The following NPAS3 variants were observed in gnomAD, a reference collection of about 807,000 sequenced individuals.
NPAS3 encodes neuronal PAS domain-containing protein 3.
A neutral mutation model predicts 73.1 loss-of-function variants in NPAS3; 14 were observed. The observed-to-expected ratio is 0.19, with a 90% CI of 0.13 to 0.30. The LOEUF (loss-of-function observed/expected upper bound fraction) is 0.30. Ranked by LOEUF, NPAS3 falls within the 10% of genes least tolerant of loss-of-function variation. NPAS3 has a pLI of 1.00. For synonymous variants in NPAS3, 620 were observed against 541.5 expected (o/e 1.14, Z -2.01); for missense variants, 1,096 against 1,250.0 (o/e 0.88, Z 1.86).
At chr14:32,965,553 G>A (rs949360253) in intron 1 of NPAS3, among the ~76,000 whole-genome samples, 1 of 152,134 alleles carries the variant, frequency 6.6e-6, no homozygotes, top group Non-Finnish European at 1.5e-5. Flanking sequence ...TAAAAAGAAT[G>A]TATCTCAACA....
rs113962024 is a variant in NPAS3 at position 33,405,072 on chromosome 14, G to A, written c.468+37804G>A. On this transcript the variant is annotated intron_variant, in intron 4 of 11. Coordinates refer to ENST00000356141, the Ensembl canonical transcript of NPAS3. ...CCTTGATTTTGACCAGTTGATTTCTGCAGAAAGCCTTGCTTCTAGTATGCT... is the reference window on the plus strand; with the variant it reads ...CCTTGATTTTGACCAGTTGATTTCTACAGAAAGCCTTGCTTCTAGTATGCT... Among the ~76,000 whole-genome samples, 706 of 152,156 alleles carry A rather than the reference G, an allele frequency of 4.6e-3. 7 individuals are homozygous for A. The highest frequency in any genetic ancestry group is 0.016 in the African/African-American group (678 of 41,516).
intron 9 of NPAS3, among the ~76,000 whole-genome samples, chr14:33,783,831 G>A (rs1301773712): frequency 3.3e-5 from 5 of 152,166 alleles, no homozygotes; most frequent in Non-Finnish European, 7.3e-5. Flanking sequence ...AAGATCCCCA[G>A]CTGACTCGTA....
chr14:33,165,628 CAGG>C (rs1566629517), intron 2 of NPAS3, among the ~76,000 whole-genome samples: 5 of 151,966 alleles, frequency 3.3e-5, no homozygotes. Context: ...AGGAAAAAGG[CAGG>C]AGATTTGAAA....
intron 3 of NPAS3, among the ~76,000 whole-genome samples, chr14:33,297,432 C>T (rs188658142): frequency 1.3e-5 from 2 of 152,108 alleles, no homozygotes. Context: ...AATAAAAGTG[C>T]TCAGTTCCCA....
intron 5 of NPAS3, among the ~76,000 whole-genome samples, chr14:33,638,953 C>T (rs2058601556): frequency 1.3e-5 from 2 of 152,116 alleles, no homozygotes; most frequent in African/African-American, 4.8e-5. Flanking sequence ...TGATAAATTC[C>T]TTAGAAGTTA....
intron 4 of NPAS3, among the ~76,000 whole-genome samples, chr14:33,451,709 T>C (rs577014765): frequency 7.9e-5 from 12 of 152,322 alleles, no homozygotes; most frequent in Non-Finnish European, 1.6e-4. Flanking sequence ...TTGGGCCTGT[T>C]ATCTTTGCAC....
chr14:33,168,276 C>T (rs928249931), intron 2 of NPAS3, among the ~76,000 whole-genome samples: 2 of 152,058 alleles, frequency 1.3e-5, no homozygotes, highest in African/African-American at 4.8e-5. Context: ...AGTTTAGAGA[C>T]AGCTTACTGT....
intron 2 of NPAS3, among the ~76,000 whole-genome samples, chr14:33,122,380 A>G (rs2043263217): frequency 1.3e-5 from 2 of 152,168 alleles, no homozygotes; most frequent in Non-Finnish European, 1.5e-5. Context: ...GACTTATCAA[A>G]TCTAATTTGA....
chr14:33,300,654 C>T (rs1477193823), intron 3 of NPAS3, among the ~76,000 whole-genome samples: 1 of 152,136 alleles, frequency 6.6e-6, no homozygotes, highest in Non-Finnish European at 1.5e-5. Context: ...CCCTACCTCC[C>T]TGGACCAGGG....
intron 6 of NPAS3, among the ~76,000 whole-genome samples, chr14:33,684,797 G>A (rs915206740): frequency 3.3e-5 from 5 of 152,176 alleles, no homozygotes; most frequent in African/African-American, 4.8e-5. Flanking sequence ...GCCAGATTCC[G>A]TGCAGTTTCT....
intron 5 of NPAS3, among the ~76,000 whole-genome samples, chr14:33,671,495 A>T (rs1277846523): frequency 6.6e-6 from 1 of 152,218 alleles, no homozygotes; most frequent in Non-Finnish European, 1.5e-5. Context: ...TAGCTTGACT[A>T]TAGGATATTC....
intron 3 of NPAS3, among the ~76,000 whole-genome samples, chr14:33,306,142 A>G (rs2042745219): frequency 6.6e-6 from 1 of 152,170 alleles, no homozygotes; most frequent in South Asian, 2.1e-4. Flanking sequence ...CCATGATATA[A>G]CGATATAAAA....
intron 2 of NPAS3, among the ~76,000 whole-genome samples, chr14:33,155,140 C>T (rs1394564658): frequency 6.6e-6 from 1 of 152,174 alleles, no homozygotes; most frequent in Non-Finnish European, 1.5e-5. Flanking sequence ...AAACTTTTGC[C>T]TTGGGATGAG....
intron 3 of NPAS3, among the ~76,000 whole-genome samples, chr14:33,279,304 G>A (rs1171364803): frequency 7.2e-5 from 11 of 152,026 alleles, no homozygotes; most frequent in Non-Finnish European, 1.2e-4. Flanking sequence ...ATTTAATAAT[G>A]TATTCATTTA....
Position 32,962,230 on chromosome 14 carries a change from T to C in NPAS3, c.50+22864T>C, listed in dbSNP as rs190935265. On this transcript the variant is annotated intron_variant, in intron 1 of 11. Coordinates refer to ENST00000356141, the Ensembl canonical transcript of NPAS3. ...GTAGAGGAGGATGCCAAAAAGTGAG[T>C]TGGTTTATTAATATTGGTTTAAATT... Among the ~76,000 whole-genome samples, 151 of 152,254 alleles carry C rather than the reference T, an allele frequency of 9.9e-4. 1 individual carries two copies. Among genetic ancestry groups the C allele is most frequent in the African/African-American group, 3.0e-3 (126 of 41,550 alleles).
chr14:32,994,669 T>C (rs1258295188), intron 1 of NPAS3, among the ~76,000 whole-genome samples: 1 of 145,764 alleles, frequency 6.9e-6, no homozygotes, highest in African/African-American at 2.6e-5. Flanking sequence ...TCTCACTCCA[T>C]TGCTTAGGCT....
At chr14:33,399,659 GTT>G (rs5807726) in intron 4 of NPAS3, among the ~76,000 whole-genome samples, 27 of 146,402 alleles carry the variant, frequency 1.8e-4, no homozygotes, top group Middle Eastern at 3.5e-3. Context: ...ATGAAGCTGG[GTT>G]TTTTTTTTTT....
chr14:33,312,842 T>A (rs1218174793), intron 3 of NPAS3, among the ~76,000 whole-genome samples: 1 of 114,398 alleles, frequency 8.7e-6, no homozygotes, highest in African/African-American at 4.4e-5. Flanking sequence ...TTTAGTGGAG[T>A]AGGGGGAAGC....
intron 2 of NPAS3, among the ~76,000 whole-genome samples, chr14:33,118,518 G>A (rs536261535): frequency 5.3e-5 from 8 of 151,850 alleles, no homozygotes; most frequent in Non-Finnish European, 8.8e-5. Flanking sequence ...TTTTCCATAC[G>A]GTCTGTCTTA....
Sources: gnomAD v4.1 joint callset for allele counts (sites outside exome capture counted in the v4.1 genomes callset) on GRCh38, gnomAD v4.1.1 for gene constraint, MANE v1.5 for transcripts, NCBI Gene and HGNC (gene_info 2026-07-23, HGNC 2026-07-21) for gene names.